CCSER1: variants seen among roughly 807,000 people sequenced by gnomAD.
CCSER1 encodes coiled-coil serine rich protein 1, also known as serine-rich coiled-coil domain-containing protein 1.
Under a neutral mutation model 82.0 loss-of-function variants are expected in CCSER1, and 41 were observed. The ratio of observed to expected loss-of-function variants is 0.50; its 90% CI spans 0.39 to 0.65. The LOEUF (loss-of-function observed/expected upper bound fraction) is 0.65. Ranked by LOEUF, CCSER1 falls within the 30% of genes least tolerant of loss-of-function variation. The pLI is 0.00. For synonymous variants in CCSER1, 414 were observed against 383.9 expected (o/e 1.08, Z -0.92); for missense variants, 1,119 against 1,064.2 (o/e 1.05, Z -0.72).
chr4:90,145,464 C>G (rs1263264547), intron 1 of CCSER1, among the ~76,000 whole-genome samples: 1 of 152,222 alleles, frequency 6.6e-6, no homozygotes, highest in African/African-American at 2.4e-5. Flanking sequence ...CAGTTTCATG[C>G]TCTGCATCCA....
intron 10 of CCSER1, among the ~76,000 whole-genome samples, chr4:91,404,476 A>C (rs578017262): frequency 9.0e-4 from 137 of 152,016 alleles, no homozygotes; most frequent in African/African-American, 3.1e-3. Flanking sequence ...TAGTTCTTTT[A>C]ATTGTGATGT....
At chr4:91,518,231 C>G (rs986929535) in intron 10 of CCSER1, among the ~76,000 whole-genome samples, 1 of 152,140 alleles carries the variant, frequency 6.6e-6, no homozygotes, top group African/African-American at 2.4e-5. Flanking sequence ...TTTCACTTGT[C>G]TCTTGGGGCT....
chr4:90,782,246 G>C (rs983201676), intron 7 of CCSER1, among the ~76,000 whole-genome samples: 2 of 152,102 alleles, frequency 1.3e-5, no homozygotes, highest in African/African-American at 4.8e-5. Flanking sequence ...GGAATTTGTA[G>C]ACTAATCTAA....
chr4:90,128,346 G>A (rs911148193), intron 1 of CCSER1, among the ~76,000 whole-genome samples: 2 of 152,198 alleles, frequency 1.3e-5, no homozygotes, highest in East Asian at 3.9e-4. Context: ...GTGCGGGGCC[G>A]GGACCACCTC....
chr4:90,294,310 A>G (rs1453106376), intron 1 of CCSER1, among the ~76,000 whole-genome samples: 1 of 152,042 alleles, frequency 6.6e-6, no homozygotes, highest in African/African-American at 2.4e-5. Context: ...CTAGGATTTG[A>G]GACCTGCCTG....
intron 5 of CCSER1, among the ~76,000 whole-genome samples, chr4:90,491,683 G>A (rs1054569162): frequency 1.2e-4 from 19 of 152,008 alleles, no homozygotes; most frequent in Middle Eastern, 3.2e-3. Context: ...TATTTTGAGA[G>A]ACGTCCCACC....
At chr4:90,621,108 C>A (rs1188060274) in intron 5 of CCSER1, among the ~76,000 whole-genome samples, 1 of 152,146 alleles carries the variant, frequency 6.6e-6, no homozygotes, top group African/African-American at 2.4e-5. Context: ...TGTGAGCCAC[C>A]CTGCCCGGCC....
chr4:91,299,928 G>C (rs1214439063), intron 10 of CCSER1, among the ~76,000 whole-genome samples: 1 of 151,732 alleles, frequency 6.6e-6, no homozygotes, highest in Admixed American at 6.6e-5. Flanking sequence ...ATTTCTAGTG[G>C]AAGACACCGT....
intron 1 of CCSER1, among the ~76,000 whole-genome samples, chr4:90,225,551 A>G (rs996223266): frequency 6.6e-6 from 1 of 152,170 alleles, no homozygotes. Context: ...TTGGCAATTG[A>G]GAAAATAGAG....
At chr4:91,401,884 G>A (rs1162756592) in intron 10 of CCSER1, among the ~76,000 whole-genome samples, 2 of 152,138 alleles carry the variant, frequency 1.3e-5, no homozygotes, top group East Asian at 3.9e-4. Flanking sequence ...CTTTATAGCA[G>A]CATGATTTAT....
chr4:90,398,295 A>G (rs1333536249), intron 3 of CCSER1, among the ~76,000 whole-genome samples: 1 of 152,178 alleles, frequency 6.6e-6, no homozygotes, highest in Non-Finnish European at 1.5e-5. Context: ...GTCATATTCT[A>G]AGGTACTGGG....
intron 10 of CCSER1, among the ~76,000 whole-genome samples, chr4:91,092,487 C>T (rs943837922): frequency 2.0e-5 from 3 of 152,186 alleles, no homozygotes; most frequent in African/African-American, 7.2e-5. Flanking sequence ...GGCTTGTATG[C>T]CAGGAGGAAC....
intron 8 of CCSER1, among the ~76,000 whole-genome samples, chr4:90,913,414 T>A (rs1040809469): frequency 6.6e-6 from 1 of 152,004 alleles, no homozygotes; most frequent in South Asian, 2.1e-4. Context: ...GGAGGAGAAA[T>A]AAAATCCTTT....
At chr4:90,494,741 A>G (rs895363664) in intron 5 of CCSER1, among the ~76,000 whole-genome samples, 2 of 152,188 alleles carry the variant, frequency 1.3e-5, no homozygotes, top group African/African-American at 4.8e-5. Context: ...AATAAAAGTT[A>G]AAATAAAATT....
chr4:90,135,393 A>T (rs13146071), intron 1 of CCSER1, among the ~76,000 whole-genome samples: 46,844 of 151,774 alleles, frequency 0.31, 8,344 homozygotes, highest in Non-Finnish European at 0.41. Flanking sequence ...CTCATTTTTT[A>T]AAAAAAAGAC....
At chr4:91,229,433 T>G (rs1231606416) in intron 10 of CCSER1, among the ~76,000 whole-genome samples, 1 of 152,084 alleles carries the variant, frequency 6.6e-6, no homozygotes, top group East Asian at 1.9e-4. Flanking sequence ...TATGTTAGTC[T>G]TAAACTTCTC....
intron 10 of CCSER1, among the ~76,000 whole-genome samples, chr4:91,251,378 T>G (rs1460542114): frequency 1.3e-5 from 2 of 152,048 alleles, no homozygotes; most frequent in African/African-American, 2.4e-5. Flanking sequence ...CCTCCCAAAG[T>G]CTCCACCTCC....
intron 5 of CCSER1, among the ~76,000 whole-genome samples, chr4:90,563,862 C>T (rs72887404): frequency 0.064 from 9,672 of 152,190 alleles, 883 homozygotes; most frequent in African/African-American, 0.19. Flanking sequence ...AGATTCCATA[C>T]TGTTTTCTAT....
chr4:90,863,738 A>T (rs1403143212), intron 8 of CCSER1, among the ~76,000 whole-genome samples: 1 of 151,948 alleles, frequency 6.6e-6, no homozygotes, highest in Non-Finnish European at 1.5e-5. Flanking sequence ...AGACAAAGAA[A>T]GCAAGGGAGG....
Sources: allele counts gnomAD v4.1 joint callset (sites outside exome capture counted in the v4.1 genomes callset), GRCh38; gene constraint gnomAD v4.1.1; transcripts MANE v1.5; gene names NCBI Gene and HGNC (gene_info 2026-07-23, HGNC 2026-07-21).